SYT9: variants seen among roughly 807,000 people sequenced by gnomAD.
SYT9 encodes the protein synaptotagmin-9.
A neutral mutation model predicts 48.4 loss-of-function variants in SYT9; 22 were observed. That is an observed-to-expected ratio of 0.45 (90% CI 0.32 to 0.65). The LOEUF (loss-of-function observed/expected upper bound fraction) is 0.65, where lower values mean the gene tolerates loss of function less well. Ranked by LOEUF, SYT9 falls within the 30% of genes least tolerant of loss-of-function variation. The pLI, the probability that SYT9 is intolerant of heterozygous loss-of-function variation, is 0.03. For missense variants in SYT9, 577 were observed against 622.0 expected, an observed-to-expected ratio of 0.93 and a Z score of 0.77; for synonymous variants, 265 against 245.0, an observed-to-expected ratio of 1.08 and a Z score of -0.76.
chr11:7,416,308 G>A (rs1268420208), intron 4 of SYT9, 146 bp downstream of exon 4: 2 of 920,718 alleles, frequency 2.2e-6, no homozygotes, highest in African/African-American at 1.7e-5. Flanking sequence ...GTGACCTTGG[G>A]CAAGTCATTT....
intron 6 of SYT9, among the ~76,000 whole-genome samples, chr11:7,451,280 C>A (rs182430326): frequency 3.9e-4 from 59 of 152,212 alleles, no homozygotes; most frequent in African/African-American, 1.3e-3. Context: ...ATGGAATACT[C>A]TTTTTTACTT....
chr11:7,400,622 G>C (rs1846869311), intron 3 of SYT9, among the ~76,000 whole-genome samples: 1 of 152,150 alleles, frequency 6.6e-6, no homozygotes, highest in African/African-American at 2.4e-5. Flanking sequence ...CACTAGAGCA[G>C]CATGCATTTA....
chr11:7,304,780 A>G (rs1007965742), intron 2 of SYT9, among the ~76,000 whole-genome samples: 3 of 152,250 alleles, frequency 2.0e-5, no homozygotes, highest in African/African-American at 7.2e-5. Flanking sequence ...AAATATAACT[A>G]GAGCTCTATT....
chr11:7,332,277 T>C (rs1278819148), intron 3 of SYT9, among the ~76,000 whole-genome samples: 1 of 152,194 alleles, frequency 6.6e-6, no homozygotes, highest in Non-Finnish European at 1.5e-5. Flanking sequence ...TGTGCTAGTC[T>C]TTCATGGGCT....
At chr11:7,427,781 G>C (rs1468493631) in intron 6 of SYT9, 1 of 152,148 alleles carries the variant, frequency 6.6e-6, no homozygotes, top group Non-Finnish European at 1.5e-5. Context: ...ATGCCAGCAC[G>C]CATAAACACC....
At chr11:7,368,861 C>T (rs7104773) in intron 3 of SYT9, among the ~76,000 whole-genome samples, 3,336 of 152,146 alleles carry the variant, frequency 0.022, 115 homozygotes, top group African/African-American at 0.077. Context: ...AAATGTGCCA[C>T]ATTTTTTTAT....
At chr11:7,366,627 C>T (rs1850249105) in intron 3 of SYT9, among the ~76,000 whole-genome samples, 1 of 152,126 alleles carries the variant, frequency 6.6e-6, no homozygotes, top group South Asian at 2.1e-4. Context: ...ATTACTATTA[C>T]ATATTTTAAC....
chr11:7,304,422 A>C (rs1848997529), intron 2 of SYT9, among the ~76,000 whole-genome samples: 1 of 152,226 alleles, frequency 6.6e-6, no homozygotes, highest in African/African-American at 2.4e-5. Flanking sequence ...GGCCTGAGTG[A>C]TGGCCAGAGA....
chr11:7,254,955 C>T (rs7943597), intron 1 of SYT9, among the ~76,000 whole-genome samples: 2,939 of 152,016 alleles, frequency 0.019, 105 homozygotes, highest in African/African-American at 0.066. Flanking sequence ...GGGGGAGTAC[C>T]GCACCCAGAT....
intron 3 of SYT9, among the ~76,000 whole-genome samples, chr11:7,413,152 G>A (rs1847171204): frequency 6.6e-6 from 1 of 152,192 alleles, no homozygotes; most frequent in Admixed American, 6.5e-5. Flanking sequence ...CTCTCATTGG[G>A]AGCAGCATAG....
At chr11:7,421,763 A>C (rs1847358848) in intron 6 of SYT9, among the ~76,000 whole-genome samples, 1 of 152,278 alleles carries the variant, frequency 6.6e-6, no homozygotes, top group Non-Finnish European at 1.5e-5. Context: ...ACAGATATGA[A>C]TAAGAAACAG....
intron 3 of SYT9, among the ~76,000 whole-genome samples, chr11:7,368,541 G>C (rs1481323314): frequency 6.6e-6 from 1 of 152,038 alleles, no homozygotes; most frequent in African/African-American, 2.4e-5. Context: ...ACAGGCCCTG[G>C]TGTGTGATAT....
intron 1 of SYT9, among the ~76,000 whole-genome samples, chr11:7,301,994 A>G (rs576761783): frequency 6.6e-6 from 1 of 152,244 alleles, no homozygotes; most frequent in African/African-American, 2.4e-5. Flanking sequence ...GTGGTCCATG[A>G]TCCATGTAGC....
intron 6 of SYT9, chr11:7,444,509 T>C (rs1411425247): frequency 6.6e-6 from 1 of 152,218 alleles, no homozygotes; most frequent in Non-Finnish European, 1.5e-5. Flanking sequence ...ATTCATTTTA[T>C]CTACACACTT....
chr11:7,391,876 A>G (rs1417771329), intron 3 of SYT9, among the ~76,000 whole-genome samples: 1 of 151,510 alleles, frequency 6.6e-6, no homozygotes, highest in Non-Finnish European at 1.5e-5. Context: ...TGATTATGCC[A>G]TTGAACTCCA....
chr11:7,397,800 C>G (rs1221301741), intron 3 of SYT9, among the ~76,000 whole-genome samples: 1 of 152,124 alleles, frequency 6.6e-6, no homozygotes, highest in Admixed American at 6.5e-5. Context: ...TCAATTATTT[C>G]ATTGCTAATA....
At chr11:7,465,026 T>A (rs888122065) in intron 6 of SYT9, among the ~76,000 whole-genome samples, 1 of 151,536 alleles carries the variant, frequency 6.6e-6, no homozygotes, top group Non-Finnish European at 1.5e-5. Flanking sequence ...AGGTGGAGCT[T>A]GCAGTGAGTC....
At chr11:7,302,626 T>C (rs1848943784) in intron 1 of SYT9, among the ~76,000 whole-genome samples, 1 of 152,256 alleles carries the variant, frequency 6.6e-6, no homozygotes, top group South Asian at 2.1e-4. Context: ...AATTATATTA[T>C]ACAGCTCTCT....
chr11:7,301,348 C>G (rs1848916840), intron 1 of SYT9, among the ~76,000 whole-genome samples: 1 of 152,162 alleles, frequency 6.6e-6, no homozygotes, highest in African/African-American at 2.4e-5. Flanking sequence ...TTTTGATAAA[C>G]AGTTTTATCA....
Sources: allele counts gnomAD v4.1 joint callset (sites outside exome capture counted in the v4.1 genomes callset), GRCh38; gene constraint gnomAD v4.1.1; transcripts MANE v1.5; gene names NCBI Gene and HGNC (gene_info 2026-07-23, HGNC 2026-07-21).